The following DOCK1 variants were observed in gnomAD, a reference collection of about 807,000 sequenced individuals.
The protein encoded by DOCK1 is dedicator of cytokinesis 1.
In DOCK1, 138 loss-of-function variants were observed where a neutral mutation model predicts 262.7. That is an observed-to-expected ratio of 0.53 (90% confidence interval 0.46 to 0.61). DOCK1 has a LOEUF of 0.61. Ranked by LOEUF, DOCK1 falls within the 20% of genes least tolerant of loss-of-function variation. The pLI is 0.00. For synonymous variants in DOCK1, 866 were observed against 867.4 expected, an observed-to-expected ratio of 1.00 and a Z score of 0.03; for missense variants, 1,908 against 2,370.7, an observed-to-expected ratio of 0.80 and a Z score of 4.05.
In DOCK1 at chr10:126,986,636, G is replaced by A. The variant is rs546632681; in HGVS notation, c.228-885G>A. On this transcript the variant is annotated intron_variant, in intron 4 of 51. Transcript: ENST00000623213. ...TTAAGAATAAGTCAAGGGGCTGGGC[G>A]CGGTGGCTCATGCCTGTAATCCCAG... 3.9e-5 allele frequency among the ~76,000 whole-genome samples: 6 copies of A among 152,346 alleles called. No homozygotes were observed. The East Asian group carries it at 5.8e-4, about 15-fold the overall frequency.
intron 29 of DOCK1, among the ~76,000 whole-genome samples, chr10:127,302,900 A>C (rs2061738092): frequency 6.6e-6 from 1 of 152,150 alleles, no homozygotes; most frequent in Non-Finnish European, 1.5e-5. Flanking sequence ...GTGCATGGTC[A>C]CTAGAAAAGA....
chr10:126,952,186 A>G (rs1349240917), intron 1 of DOCK1, among the ~76,000 whole-genome samples: 14 of 151,878 alleles, frequency 9.2e-5, no homozygotes, highest in Admixed American at 1.3e-4. Context: ...CAAGTAACCA[A>G]TGGTGGTGGT....
chr10:127,412,326 T>C (rs1298485399), intron 43 of DOCK1, among the ~76,000 whole-genome samples: 1 of 152,218 alleles, frequency 6.6e-6, no homozygotes, highest in Non-Finnish European at 1.5e-5. Flanking sequence ...TTTTATTTTA[T>C]TTATTTTTTT....
chr10:127,353,550 TC>T (rs2063990513), intron 31 of DOCK1, among the ~76,000 whole-genome samples: 1 of 152,186 alleles, frequency 6.6e-6, no homozygotes, highest in Non-Finnish European at 1.5e-5. Context: ...AGATGCCCCC[TC>T]CTTAACCGAG....
intron 27 of DOCK1, among the ~76,000 whole-genome samples, chr10:127,234,056 G>T (rs1488510341): frequency 6.6e-6 from 1 of 152,116 alleles, no homozygotes; most frequent in Non-Finnish European, 1.5e-5. Context: ...GATACATACA[G>T]TATATTAAAC....
intron 29 of DOCK1, among the ~76,000 whole-genome samples, chr10:127,293,935 A>G (rs2720992): frequency 1.8e-3 from 273 of 152,322 alleles, no homozygotes; most frequent in African/African-American, 6.3e-3. Flanking sequence ...ATGCCCTGAG[A>G]ACCCGCCTAG....
chr10:127,261,308 T>C (rs1221111521), intron 29 of DOCK1, among the ~76,000 whole-genome samples: 18 of 108,514 alleles, frequency 1.7e-4, no homozygotes, highest in Non-Finnish European at 2.8e-4. Context: ...TGTGTGTGTG[T>C]GTGCCTGCAT....
At chr10:127,365,206 G>C (rs1348643695) in intron 33 of DOCK1, among the ~76,000 whole-genome samples, 1 of 152,210 alleles carries the variant, frequency 6.6e-6, no homozygotes, top group Non-Finnish European at 1.5e-5. Context: ...TTTCACTGCT[G>C]TGAATAACTG....
chr10:127,339,050 A>G lies in DOCK1; in HGVS notation c.3089A>G (p.Lys1030Arg), dbSNP rs1289652913. The change falls in exon 30 of 52, where the codon AAA (lysine) becomes AGA (arginine). Residue 1030 changes from lysine (K) to arginine (R), a missense_variant. Coordinates refer to ENST00000623213, the MANE Select transcript of DOCK1 (RefSeq NM_001290223.2). ...AATCAGTATGCAGATATGCTGAACAAAAAATTTCTGGATCAAGCCAACTTT... is the reference window on the plus strand; with the variant it reads ...AATCAGTATGCAGATATGCTGAACAGAAAATTTCTGGATCAAGCCAACTTT... ...AINQYADMLN[K>R]KFLDQANFEL... The G allele has an allele frequency of 2.5e-6, 4 of 1,581,980 alleles. No individual in the cohort carries two copies. The African/African-American group carries it at 4.0e-5, about 16-fold the overall frequency.
At chr10:127,199,682 A>C (rs2057367785) in intron 27 of DOCK1, among the ~76,000 whole-genome samples, 1 of 152,198 alleles carries the variant, frequency 6.6e-6, no homozygotes, top group Non-Finnish European at 1.5e-5. Context: ...ATTACCTTTG[A>C]GGCATACTCG....
At chr10:127,303,039 G>A (rs2061743447) in intron 29 of DOCK1, among the ~76,000 whole-genome samples, 1 of 152,136 alleles carries the variant, frequency 6.6e-6, no homozygotes, top group Admixed American at 6.6e-5. Context: ...GTCCTGTTAA[G>A]GAAAGAGTTA....
intron 31 of DOCK1, among the ~76,000 whole-genome samples, chr10:127,344,839 C>G (rs562687933): frequency 6.6e-6 from 1 of 152,046 alleles, no homozygotes; most frequent in Non-Finnish European, 1.5e-5. Flanking sequence ...GCCATGCACT[C>G]CAGCCTGGGC....
intron 38 of DOCK1, among the ~76,000 whole-genome samples, chr10:127,394,893 G>A (rs969614720): frequency 5.3e-5 from 8 of 152,102 alleles, no homozygotes; most frequent in South Asian, 2.1e-4. Context: ...CCCACCTTCC[G>A]CCCATCACAC....
chr10:127,191,859 C>T (rs2056780717), intron 27 of DOCK1, among the ~76,000 whole-genome samples: 1 of 152,220 alleles, frequency 6.6e-6, no homozygotes, highest in Non-Finnish European at 1.5e-5. Context: ...GTGATCATCT[C>T]TGCTGAGATG....
rs187213104 is a variant in DOCK1 at position 127,355,406 on chromosome 10, G to A, written c.3283+679G>A. 9.1e-4 allele frequency among the ~76,000 whole-genome samples: 138 copies of A among 152,168 alleles called. 1 individual carries two copies. In the East Asian group the frequency reaches 0.024, roughly 26 times the overall value. On this transcript the variant is annotated intron_variant, in intron 32 of 51. Coordinates refer to ENST00000623213, the MANE Select transcript of DOCK1 (RefSeq NM_001290223.2). Reference sequence around the variant, plus strand: ...CTTTACACTACCCTCTAGGAATCTGGCCTCACTCCTCGTTGAGATGAAGCT... The same window carrying A: ...CTTTACACTACCCTCTAGGAATCTGACCTCACTCCTCGTTGAGATGAAGCT...
intron 27 of DOCK1, among the ~76,000 whole-genome samples, chr10:127,185,440 C>G (rs964904185): frequency 2.0e-5 from 3 of 152,128 alleles, no homozygotes; most frequent in African/African-American, 7.2e-5. Flanking sequence ...GCAGGAGAAT[C>G]GCTTGAACCA....
chr10:126,992,359 T>C (rs2039851075), intron 6 of DOCK1, among the ~76,000 whole-genome samples: 1 of 152,098 alleles, frequency 6.6e-6, no homozygotes, highest in South Asian at 2.1e-4. Context: ...CCAAATACAG[T>C]TTACTACTTT....
At chr10:127,425,765 T>A in intron 46 of DOCK1, 109 bp from the exon 47 acceptor site, 8 of 1,496,624 alleles carry the variant, frequency 5.3e-6, no homozygotes, top group Non-Finnish European at 7.2e-6. Flanking sequence ...CTGGTTTGAT[T>A]TGGAAACCAA....
At chr10:127,294,975 A>G (rs1383585184) in intron 29 of DOCK1, among the ~76,000 whole-genome samples, 1 of 152,132 alleles carries the variant, frequency 6.6e-6, no homozygotes, top group Non-Finnish European at 1.5e-5. Context: ...GATAGCACAT[A>G]TAGAATTATT....
Sources: allele counts gnomAD v4.1 joint callset (sites outside exome capture counted in the v4.1 genomes callset), GRCh38; gene constraint gnomAD v4.1.1; transcripts MANE v1.5; gene names NCBI Gene and HGNC (gene_info 2026-07-23, HGNC 2026-07-21).